Variants in EPHA2 observed in about 807,000 individuals in gnomAD.
The protein encoded by EPHA2 is ephrin type-A receptor 2.
Under a neutral mutation model 104.9 loss-of-function variants are expected in EPHA2, and 54 were observed. The ratio of observed to expected loss-of-function variants is 0.51; its 90% CI spans 0.41 to 0.65. The LOEUF (loss-of-function observed/expected upper bound fraction) is 0.65, where lower values mean the gene tolerates loss of function less well. EPHA2 is among the 30% of genes least tolerant of loss of function. EPHA2 has a pLI of 0.00. For synonymous variants in EPHA2, 560 were observed against 559.1 expected (o/e 1.00, Z -0.02); for missense variants, 1,117 against 1,369.5 (o/e 0.82, Z 2.91).
intron 1 of EPHA2, among the ~76,000 whole-genome samples, chr1:16,152,652 G>A (rs2124273089): frequency 6.6e-6 from 1 of 152,324 alleles, no homozygotes; most frequent in African/African-American, 2.4e-5. Flanking sequence ...TGGGTAGAAG[G>A]ACAAAGGTTC....
intron 11 of EPHA2, 123 bp from the exon 12 acceptor site, chr1:16,132,562 G>T: frequency 9.9e-7 from 1 of 1,011,550 alleles, no homozygotes; most frequent in Non-Finnish European, 1.5e-6. Context: ...GGGAGAGGTG[G>T]AACAGGTGTG....
intron 3 of EPHA2, 104 bp from the exon 4 acceptor site, chr1:16,138,534 G>A (rs1295330197): frequency 1.9e-6 from 3 of 1,542,116 alleles, no homozygotes; most frequent in African/African-American, 2.7e-5. Flanking sequence ...CCTGCAAGCA[G>A]GTCAGTAAAT....
At chr1:16,155,805 C>G in intron 1 of EPHA2, 43 bp downstream of exon 1, 1 of 1,356,192 alleles carries the variant, frequency 7.4e-7, no homozygotes, top group Non-Finnish European at 9.5e-7. Context: ...CTAGGGGGCA[C>G]TGGGGCCCGG....
At position 16,130,746 on chromosome 1, in the gene EPHA2, C is replaced by T. The variant is rs1482852697; in HGVS notation, c.2476-327G>A. Among the ~76,000 whole-genome samples the T allele has an allele frequency of 6.6e-6, 1 of 152,140 alleles. No individual in the cohort carries two copies. The highest frequency in any genetic ancestry group is 1.5e-5 in the Non-Finnish European group (1 of 68,022). On this transcript the variant is annotated intron_variant, in intron 14 of 16. Coordinates refer to ENST00000358432, the MANE Select transcript of EPHA2 (RefSeq NM_004431.5). This position sits in a 1 kb window ranked among gnomAD's most constrained non-coding sequence, Gnocchi z 4.5. ...CTGTGCTCAGGTGATCCTCCCACCT[C>T]CGCCTCCTGAGTAGCTGAGACTACA...
In EPHA2 at chr1:16,138,333, G is replaced by A. The variant is rs775233932; in HGVS notation, c.921C>T (p.Cys307=). ...CCCGGAAGAAGCCTTCCTCACACTC[G>A]CAGGAGGTGGCACCCTCAGGGGATG... ...TLPSPEGATS[C]ECEEGFFRAP... The change falls in exon 4 of 17, where the codon TGC becomes TGT. Residue 307 remains cysteine (C), a synonymous_variant. Transcript: ENST00000358432. 2.8e-5 allele frequency: 45 copies of A among 1,613,686 alleles called. No individual in the cohort carries two copies. Among genetic ancestry groups the A allele is most frequent in the Non-Finnish European group, 3.3e-5 (39 of 1,179,966 alleles).
Position 16,150,886 on chromosome 1 carries a change from G to C in EPHA2, c.153+10C>G. The C allele has an allele frequency of 6.2e-7, 1 of 1,614,042 alleles. No individual in the cohort carries two copies. Among genetic ancestry groups the C allele is most frequent in the Non-Finnish European group, 8.5e-7 (1 of 1,179,982 alleles). ...TCTCACACCTCTCCCCACCCCGAAGGCTTACATACCCCTTTGCCATACGGG... is the reference window on the plus strand; with the variant it reads ...TCTCACACCTCTCCCCACCCCGAAGCCTTACATACCCCTTTGCCATACGGG... On this transcript the variant is annotated intron_variant, in intron 2 of 16. Coordinates refer to ENST00000358432, the MANE Select transcript of EPHA2 (RefSeq NM_004431.5). This position sits in a 1 kb window ranked among gnomAD's most constrained non-coding sequence, Gnocchi z 4.8.
At chr1:16,143,806 G>C (rs949835184) in intron 3 of EPHA2, among the ~76,000 whole-genome samples, 1 of 152,172 alleles carries the variant, frequency 6.6e-6, no homozygotes, top group Non-Finnish European at 1.5e-5. Context: ...CTTTGTCTCT[G>C]GGCCCTGACA....
chr1:16,148,805 G>T lies in EPHA2; in HGVS notation c.396C>A (p.Thr132=), dbSNP rs2024983650. The T allele has an allele frequency of 2.5e-6, 4 of 1,614,030 alleles. No individual in the cohort carries two copies. The highest frequency in any genetic ancestry group is 1.7e-5 in the Admixed American group (1 of 60,004). The change falls in exon 3 of 17, where the codon ACC becomes ACA. Residue 132 remains threonine (T), a synonymous_variant. Transcript: ENST00000358432. This position sits in a 1 kb window ranked among gnomAD's most constrained non-coding sequence, Gnocchi z 4.9. ...TGGTGAACAGGCGCTTCTGGAAGTT[G>T]GTGCCGTAGTCCAGGTCCGACTCGG... ...YYAESDLDYG[T]NFQKRLFTKI...
chr1:16,132,355 C>T (rs2024587024), intron 12 of EPHA2, 23 bp downstream of exon 12: 1 of 1,614,022 alleles, frequency 6.2e-7, no homozygotes, highest in African/African-American at 1.3e-5. Flanking sequence ...GGCATCCCCG[C>T]CCCCTACAAC....
rs948636431 is a variant in EPHA2, at chr1:16,124,594, GC to G, written c.*620del. 11 of 153,282 alleles carry G rather than the reference GC, an allele frequency of 7.2e-5. No individual in the cohort carries two copies. The highest frequency in any genetic ancestry group is 1.2e-4 in the Non-Finnish European group (8 of 68,646). The allele number at this position is 153,282 out of a possible 1,614,324, so 9.5% of individuals were successfully genotyped here. The stretch of plus-strand genomic sequence containing the variant: ...ACCCTCTGTCCCCAGCCCTGGCGGG[GC>G]CCCCTGCCACACACACACATTCTCT... On this transcript the variant is annotated 3_prime_UTR_variant, in exon 17 of 17. Coordinates refer to ENST00000358432, the MANE Select transcript of EPHA2 (RefSeq NM_004431.5).
At chr1:16,141,342 G>A (rs559154145) in intron 3 of EPHA2, among the ~76,000 whole-genome samples, 1 of 152,264 alleles carries the variant, frequency 6.6e-6, no homozygotes, top group East Asian at 1.9e-4. Context: ...GTCTCCTATT[G>A]TATTTGGAAA....
At position 16,129,509 on chromosome 1, in the gene EPHA2, T is replaced by C. The variant is rs1570395592; in HGVS notation, c.2750A>G (p.Lys917Arg). 3.7e-6 allele frequency: 6 copies of C among 1,613,688 alleles called. No individual in the cohort carries two copies. In the South Asian group the frequency reaches 4.4e-5, roughly 12 times the overall value. ...GAAGTGCTCCGTATACTGCTGCATC[T>C]TGATGGACTCCAGCCACTCGGACAC... Reference protein sequence around the residue: ...RTVSEWLESIKMQQYTEHFMA... With the variant: ...RTVSEWLESIRMQQYTEHFMA... The change falls in exon 16 of 17, where the codon AAG becomes AGG. Residue 917 changes from lysine (K) to arginine (R), a missense_variant. Physicochemically the swap from Lys to Arg is conservative, Grantham distance 26 (BLOSUM62 2). Transcript: ENST00000358432.
In EPHA2 at chr1:16,131,802, G is replaced by A. The variant is rs781751683; in HGVS notation, c.2394C>T (p.Ser798=). ...AISYRKFTSA[S]DVWSFGIVMW... ...TGACAATGCCAAAGCTCCACACGTC[G>A]CTGGCAGAGGTGAACTTCCGGTAGG... Residue 798 remains serine, a synonymous_variant, in exon 14 of 17, where the codon AGC becomes AGT. Coordinates refer to ENST00000358432, the MANE Select transcript of EPHA2 (RefSeq NM_004431.5). This position sits in a 1 kb window ranked among gnomAD's most constrained non-coding sequence, Gnocchi z 5.2. 5.6e-6 allele frequency: 9 copies of A among 1,613,994 alleles called. No individual in the cohort carries two copies. Among genetic ancestry groups the A allele is most frequent in the Non-Finnish European group, 7.6e-6 (9 of 1,180,042 alleles).
chr1:16,133,655 G>A (rs1424726404), intron 9 of EPHA2, 49 bp from the exon 10 acceptor site: 3 of 1,610,724 alleles, frequency 1.9e-6, no homozygotes, highest in Admixed American at 3.3e-5. Context: ...GGGGCCCCAT[G>A]GGGGGTGCTC....
rs764128637 is a variant in EPHA2, at chr1:16,138,067, G to A, written c.1098C>T (p.Cys366=). Residue 366 remains cysteine, a synonymous_variant, in exon 5 of 17, where the codon TGC becomes TGT. Transcript: ENST00000358432. ...GREDIVYSVT[C]EQCWPESGEC... ...CCCCAGACTCGGGCCAGCACTGTTC[G>A]CAGGTGACGCTGTAGACAATGTCCT... is the stretch of plus-strand genomic sequence containing the variant. 2.5e-5 allele frequency: 40 copies of A among 1,612,490 alleles called. No homozygotes were observed. Among genetic ancestry groups the A allele is most frequent in the Middle Eastern group, 3.3e-4 (2 of 6,084 alleles).
intron 1 of EPHA2, among the ~76,000 whole-genome samples, chr1:16,152,675 C>G (rs972270691): frequency 2.0e-5 from 3 of 152,180 alleles, no homozygotes; most frequent in African/African-American, 7.2e-5. Flanking sequence ...CACAGTCCTG[C>G]AGCCCCCCCT....
At position 16,135,853 on chromosome 1, in the gene EPHA2, C is replaced by T; in HGVS notation, c.1313-83G>A. Reference sequence around the variant, plus strand: ...TTTGGGGGGACAAGTGGACGTGGAGCCACATCCTCCACAGCCCAGATTCTT... The same window carrying T: ...TTTGGGGGGACAAGTGGACGTGGAGTCACATCCTCCACAGCCCAGATTCTT... On this transcript the variant is annotated intron_variant, in intron 5 of 16. Coordinates refer to ENST00000358432, the MANE Select transcript of EPHA2 (RefSeq NM_004431.5). This position sits in a 1 kb window ranked among gnomAD's most constrained non-coding sequence, Gnocchi z 4.3. 1 of 716,670 alleles carries T rather than the reference C, an allele frequency of 1.4e-6. No individual in the cohort carries two copies. The highest frequency in any genetic ancestry group is 1.5e-5 in the South Asian group (1 of 67,826). 44.4% of individuals were successfully genotyped at this position (716,670 alleles called of 1,614,324 possible).
chr1:16,132,192 T>C lies in EPHA2; in HGVS notation c.2197A>G (p.Met733Val). The C allele has an allele frequency of 4.3e-6, 7 of 1,614,202 alleles. No individual in the cohort carries two copies. The highest frequency in any genetic ancestry group is 5.9e-6 in the Non-Finnish European group (7 of 1,180,030). Residue 733 changes from methionine to valine, a missense_variant, in exon 13 of 17, where the codon ATG (methionine) becomes GTG (valine). Physicochemically the swap from Met to Val is conservative, Grantham distance 21. Around this residue, in one of 3 missense-constraint regions of EPHA2, gnomAD observed 340 missense variants for 480.5 expected, o/e 0.71. Transcript: ENST00000358432. ...GCCAGGTCACGGTGCACATAGTTCA[T>C]GTTGGCCAGGTACTTCATGCCAGCT... ...IAAGMKYLANMNYVHRDLAAR... is the reference protein window; with the variant it reads ...IAAGMKYLANVNYVHRDLAAR...
Position 16,155,913 on chromosome 1 carries a change from C to T in EPHA2, c.20G>A (p.Arg7His). 5 of 1,488,920 alleles carry T rather than the reference C, an allele frequency of 3.4e-6. No individual in the cohort carries two copies. Among genetic ancestry groups the T allele is most frequent in the African/African-American group, 1.5e-5 (1 of 68,646 alleles). The allele number at this position is 1,488,920 out of a possible 1,614,324, so 92.2% of individuals were successfully genotyped here. Residue 7 changes from arginine to histidine, a missense_variant, in exon 1 of 17, where the codon CGC (arginine) becomes CAC (histidine). Coordinates refer to ENST00000358432, the MANE Select transcript of EPHA2 (RefSeq NM_004431.5). MELQAA[R>H]ACFALLWGCA... Reference sequence around the variant, plus strand: ...GCCCCACAGCAGGGCGAAGCAGGCGCGGGCTGCCTGGAGCTCCATGCCGCG... The same window carrying T: ...GCCCCACAGCAGGGCGAAGCAGGCGTGGGCTGCCTGGAGCTCCATGCCGCG...
Sources: allele counts gnomAD v4.1 joint callset (sites outside exome capture counted in the v4.1 genomes callset), GRCh38; gene constraint gnomAD v4.1.1; regional missense constraint gnomAD v4.1.1; non-coding constraint Gnocchi (gnomAD v3.1); transcripts MANE v1.5; gene names NCBI Gene and HGNC (gene_info 2026-07-23, HGNC 2026-07-21).